The following WNT7A variants were observed in gnomAD, a reference collection of about 807,000 sequenced individuals.
The protein encoded by WNT7A is Wnt family member 7A, also known as protein Wnt-7a.
Under a neutral mutation model 28.2 loss-of-function variants are expected in WNT7A, and 16 were observed. The ratio of observed to expected loss-of-function variants is 0.57; its 90% CI spans 0.38 to 0.86. The LOEUF (loss-of-function observed/expected upper bound fraction) is 0.86, where lower values mean the gene tolerates loss of function less well. Among genes scored for constraint, WNT7A ranks in the 40% least tolerant of loss-of-function variants. The pLI is 0.00. For synonymous variants in WNT7A, 190 were observed against 195.9 expected (o/e 0.97, Z 0.25); for missense variants, 411 against 489.7 (o/e 0.84, Z 1.52).
chr3:13,820,530 T>C (rs1268024155), intron 3 of WNT7A, among the ~76,000 whole-genome samples: 1 of 152,160 alleles, frequency 6.6e-6, no homozygotes, highest in Non-Finnish European at 1.5e-5. Context: ...TCCCATGTGA[T>C]GCTTCTTCTC....
At chr3:13,878,520 C>A (rs1695148120) in intron 1 of WNT7A, among the ~76,000 whole-genome samples, 1 of 152,190 alleles carries the variant, frequency 6.6e-6, no homozygotes, top group Admixed American at 6.5e-5. Context: ...GCCTCTCCGC[C>A]GCTGGTCGGG....
At chr3:13,833,502 A>G (rs1486635483) in intron 3 of WNT7A, among the ~76,000 whole-genome samples, 1 of 152,236 alleles carries the variant, frequency 6.6e-6, no homozygotes, top group African/African-American at 2.4e-5. Context: ...GGGCATTTAA[A>G]GTAGCAAACC....
chr3:13,871,515 G>A (rs1213835303), intron 2 of WNT7A, among the ~76,000 whole-genome samples: 1 of 151,916 alleles, frequency 6.6e-6, no homozygotes, highest in African/African-American at 2.4e-5. Flanking sequence ...CTCCTTCCTA[G>A]CAGGCCTTTA....
At chr3:13,854,367 T>C (rs1198851894) in intron 3 of WNT7A, among the ~76,000 whole-genome samples, 165 bp downstream of exon 3, 1 of 152,080 alleles carries the variant, frequency 6.6e-6, no homozygotes, top group Non-Finnish European at 1.5e-5. Context: ...CTTCGTGCCA[T>C]ACACAAATCC....
intron 3 of WNT7A, among the ~76,000 whole-genome samples, chr3:13,833,760 C>T (rs377082952): frequency 2.0e-5 from 3 of 152,196 alleles, no homozygotes; most frequent in East Asian, 1.9e-4. Context: ...AGGCTGACAG[C>T]GGGGACATGG....
At chr3:13,866,333 G>A (rs1251329530) in intron 2 of WNT7A, among the ~76,000 whole-genome samples, 1 of 152,246 alleles carries the variant, frequency 6.6e-6, no homozygotes, top group Admixed American at 6.5e-5. Flanking sequence ...ACAGTTCTGA[G>A]TGCAGTAATT....
chr3:13,874,365 T>C (rs1358346768), intron 2 of WNT7A, among the ~76,000 whole-genome samples: 1 of 152,190 alleles, frequency 6.6e-6, no homozygotes, highest in Non-Finnish European at 1.5e-5. Flanking sequence ...CAAAACTCTG[T>C]GTGTATGTAT....
At chr3:13,832,546 C>A (rs1254328760) in intron 3 of WNT7A, among the ~76,000 whole-genome samples, 2 of 152,200 alleles carry the variant, frequency 1.3e-5, no homozygotes, top group Non-Finnish European at 2.9e-5. Context: ...TCTCCTCCTG[C>A]TCCTCCTCTC....
intron 3 of WNT7A, among the ~76,000 whole-genome samples, chr3:13,827,457 C>G (rs1182281284): frequency 6.6e-6 from 1 of 152,196 alleles, no homozygotes; most frequent in African/African-American, 2.4e-5. Context: ...GTACCAGGTG[C>G]TGCCCAGAGC....
intron 3 of WNT7A, among the ~76,000 whole-genome samples, chr3:13,829,897 T>C (rs573304119): frequency 6.6e-6 from 1 of 152,130 alleles, no homozygotes; most frequent in African/African-American, 2.4e-5. Flanking sequence ...CAGCCCTTCA[T>C]CCTTTCTCCT....
chr3:13,856,937 A>AG lies in WNT7A; in HGVS notation c.299-2135dup. Among the ~76,000 whole-genome samples, 3 of 120,128 alleles carry AG rather than the reference A, an allele frequency of 2.5e-5. No homozygotes were observed. The East Asian group carries it at 1.2e-3, about 47-fold the overall frequency. The allele number at this position is 120,128 out of a possible 152,430, so 78.8% of individuals were successfully genotyped here. A position where few individuals can be genotyped will look rare whatever the true frequency, so the allele number is the denominator to read the frequency against. On this transcript the variant is annotated intron_variant, in intron 2 of 3. Coordinates refer to ENST00000285018, the MANE Select transcript of WNT7A (RefSeq NM_004625.4). ...AAGAAGAAGAAGAAGAAGAAGAAGA[A>AG]GAAGAAGAAGAAGAAGAAGAAGAAG...
intron 3 of WNT7A, among the ~76,000 whole-genome samples, chr3:13,833,712 G>T (rs1159619823): frequency 2.0e-5 from 3 of 152,230 alleles, no homozygotes; most frequent in African/African-American, 7.2e-5. Flanking sequence ...CTGGGGTGAG[G>T]CAATTGGGTA....
intron 3 of WNT7A, among the ~76,000 whole-genome samples, chr3:13,839,969 C>T (rs889876305): frequency 4.6e-5 from 7 of 152,118 alleles, no homozygotes; most frequent in African/African-American, 7.2e-5. Context: ...CTGATCAGCC[C>T]GGGTTCAATG....
At chr3:13,856,871 GGAAGAAGAGGAAGAAGAAGAAAAA>G (rs1252686127) in intron 2 of WNT7A, among the ~76,000 whole-genome samples, 106 of 78,480 alleles carry the variant, frequency 1.4e-3, no homozygotes, top group East Asian at 7.9e-3. Context: ...AAGAGGAAGA[GGAAGAAGAGGAAGAAGAAGAAAAA>G]GAAGAAGAAG....
chr3:13,856,670 T>C (rs2124861205), intron 2 of WNT7A, among the ~76,000 whole-genome samples: 1 of 152,006 alleles, frequency 6.6e-6, no homozygotes, highest in South Asian at 2.1e-4. Flanking sequence ...ATACAAAAAT[T>C]AGCTGGGCAT....
At chr3:13,831,639 A>G (rs1228933980) in intron 3 of WNT7A, among the ~76,000 whole-genome samples, 1 of 152,028 alleles carries the variant, frequency 6.6e-6, no homozygotes, top group Non-Finnish European at 1.5e-5. Context: ...CTCCCTAGGC[A>G]CTGCCCTCCC....
chr3:13,863,445 T>C (rs951419829), intron 2 of WNT7A, among the ~76,000 whole-genome samples: 1 of 152,288 alleles, frequency 6.6e-6, no homozygotes, highest in South Asian at 2.1e-4. Flanking sequence ...TGTGTATATG[T>C]GTGTGTGTGT....
chr3:13,837,542 A>G (rs752516126), intron 3 of WNT7A, among the ~76,000 whole-genome samples: 2 of 120,758 alleles, frequency 1.7e-5, no homozygotes, highest in African/African-American at 2.8e-5. Context: ...GGGTGAGTGA[A>G]TGAATGAATG....
chr3:13,871,864 C>T (rs1005713250), intron 2 of WNT7A, among the ~76,000 whole-genome samples: 1 of 152,176 alleles, frequency 6.6e-6, no homozygotes, highest in African/African-American at 2.4e-5. Flanking sequence ...TCTCCATTCC[C>T]ATGAAGGGAA....
Sources: allele counts gnomAD v4.1 joint callset (sites outside exome capture counted in the v4.1 genomes callset), GRCh38; gene constraint gnomAD v4.1.1; transcripts MANE v1.5; gene names NCBI Gene and HGNC (gene_info 2026-07-23, HGNC 2026-07-21).